The following WAPL variants were observed in gnomAD, a reference collection of about 807,000 sequenced individuals.
WAPL encodes the protein WAPL cohesin release factor.
A neutral mutation model predicts 121.0 loss-of-function variants in WAPL; 5 were observed. That is an observed-to-expected ratio of 0.04 (90% CI 0.02 to 0.09). WAPL has a LOEUF of 0.09. Among genes scored for constraint, WAPL ranks in the 10% least tolerant of loss-of-function variants. WAPL has a pLI of 1.00. For synonymous variants in WAPL, 480 were observed against 481.5 expected (o/e 1.00, Z 0.04); for missense variants, 999 against 1,410.8 (o/e 0.71, Z 4.68).
At chr10:86,506,700 G>A (rs1055189201) in intron 2 of WAPL, among the ~76,000 whole-genome samples, 2 of 152,064 alleles carry the variant, frequency 1.3e-5, no homozygotes, top group Non-Finnish European at 2.9e-5. Context: ...GGGGGTAGGA[G>A]GATCACTTAA....
chr10:86,450,527 T>G (rs1320163092), intron 15 of WAPL, among the ~76,000 whole-genome samples: 1 of 152,170 alleles, frequency 6.6e-6, no homozygotes, highest in Non-Finnish European at 1.5e-5. Flanking sequence ...TGAGCTACCT[T>G]GCCCGGCCAA....
At chr10:86,514,162 C>T (rs1842515037) in intron 2 of WAPL, among the ~76,000 whole-genome samples, 3 of 152,140 alleles carry the variant, frequency 2.0e-5, no homozygotes, top group Non-Finnish European at 4.4e-5. Flanking sequence ...AATTGACAGA[C>T]ATAATGCAAG....
In WAPL at chr10:86,458,265, G is replaced by A. The variant is rs542935499; in HGVS notation, c.2657+724C>T. On this transcript the variant is annotated intron_variant, in intron 12 of 18. Coordinates refer to ENST00000298767, the MANE Select transcript of WAPL (RefSeq NM_015045.5). ...GAACTAGGGCAGATATCAAGAACTA[G>A]GACAGAGATATCAGGAAGAGGTTGC... Among the ~76,000 whole-genome samples the A allele has an allele frequency of 5.1e-4, 77 of 152,344 alleles. 2 individuals are homozygous for A. The highest frequency in any genetic ancestry group is 1.8e-3 in the African/African-American group (76 of 41,578).
Position 86,453,322 on chromosome 10 carries a change from G to A in WAPL, c.2847C>T (p.Thr949=), listed in dbSNP as rs561617298. 1 of 1,613,986 alleles carries A rather than the reference G, an allele frequency of 6.2e-7. No homozygotes were observed. Among genetic ancestry groups the A allele is most frequent in the Non-Finnish European group, 8.5e-7 (1 of 1,180,000 alleles). The change falls in exon 14 of 19, where the codon ACC becomes ACT. Residue 949 remains threonine, a synonymous_variant. Transcript: ENST00000298767. ...TGAGACCGTCCTGCTCTCCTGTTTT[G>A]GTGCTGCCCCACTCTGAAATAAGAA... is the stretch of plus-strand genomic sequence containing the variant. ...NLTNDNEWGS[T]KTGEQDGLIG... is the part of the protein sequence containing the mutation.
intron 9 of WAPL, among the ~76,000 whole-genome samples, chr10:86,462,461 T>A (rs896543762): frequency 6.6e-6 from 1 of 152,084 alleles, no homozygotes; most frequent in Non-Finnish European, 1.5e-5. Context: ...CACACCTGTA[T>A]GTAATCCCAG....
intron 15 of WAPL, among the ~76,000 whole-genome samples, chr10:86,450,800 A>G (rs1231799735): frequency 6.6e-6 from 1 of 152,218 alleles, no homozygotes; most frequent in African/African-American, 2.4e-5. Context: ...GTCAAAACGG[A>G]GTATTCTGAG....
chr10:86,496,933 T>C (rs1324122717), intron 4 of WAPL, among the ~76,000 whole-genome samples: 3 of 152,124 alleles, frequency 2.0e-5, no homozygotes, highest in Admixed American at 6.6e-5. Flanking sequence ...TTGTTGGATA[T>C]GATAAAAAGG....
At chr10:86,479,640 T>C (rs774207672) in intron 4 of WAPL, among the ~76,000 whole-genome samples, 2 of 152,230 alleles carry the variant, frequency 1.3e-5, no homozygotes, top group Non-Finnish European at 2.9e-5. Context: ...ATGTGCTATA[T>C]GAAGACAAAA....
At chr10:86,507,883 C>T (rs947362927) in intron 2 of WAPL, among the ~76,000 whole-genome samples, 4 of 152,134 alleles carry the variant, frequency 2.6e-5, no homozygotes, top group African/African-American at 9.7e-5. Context: ...ATTCCACAGT[C>T]TATCTTCTCA....
At chr10:86,461,841 T>A (rs1303975811) in intron 9 of WAPL, among the ~76,000 whole-genome samples, 2 of 151,736 alleles carry the variant, frequency 1.3e-5, no homozygotes, top group Non-Finnish European at 2.9e-5. Context: ...TGTTCATTAT[T>A]CTTTCCATAT....
chr10:86,467,731 C>T (rs998190753), intron 8 of WAPL, among the ~76,000 whole-genome samples: 2 of 149,686 alleles, frequency 1.3e-5, no homozygotes, highest in Non-Finnish European at 3.0e-5. Flanking sequence ...GGCTGGAGTG[C>T]AGTGGCGCAA....
intron 17 of WAPL, among the ~76,000 whole-genome samples, chr10:86,442,724 CTATT>C (rs1235510930): frequency 2.0e-5 from 3 of 152,106 alleles, no homozygotes; most frequent in Non-Finnish European, 4.4e-5. Context: ...TACTTTAAAA[CTATT>C]TAGGTAATTT....
Position 86,435,766 on chromosome 10 carries a change from T to A in WAPL, c.*1777A>T, listed in dbSNP as rs976476903. The A allele has an allele frequency of 2.0e-5, 3 of 152,508 alleles. No homozygotes were observed. Among genetic ancestry groups the A allele is most frequent in the African/African-American group, 7.2e-5 (3 of 41,466 alleles). The allele number at this position is 152,508 out of a possible 1,614,324, so 9.4% of individuals were successfully genotyped here. On this transcript the variant is annotated 3_prime_UTR_variant, in exon 19 of 19. Transcript: ENST00000298767. Reference sequence around the variant, plus strand: ...CCTGATTGTTCTCATCCAAATGTTTTATAATATTCCTTACCATCTGCCACA... The same window carrying A: ...CCTGATTGTTCTCATCCAAATGTTTAATAATATTCCTTACCATCTGCCACA...
rs771824864 is a variant in WAPL, at chr10:86,517,566, C to T, written c.499+5G>A. 1.3e-5 allele frequency: 20 copies of T among 1,588,868 alleles called. No individual in the cohort carries two copies. The highest frequency in any genetic ancestry group is 1.6e-5 in the Non-Finnish European group (19 of 1,167,352). On this transcript the variant is annotated splice_donor_5th_base_variant and intron_variant, in intron 2 of 18. Transcript: ENST00000298767. ...TGGCGGAGAATAAAGAAAATCAAAA[C>T]TTACCTGAAGTTATTAATTTATTAC...
At position 86,467,369 on chromosome 10, in the gene WAPL, C is replaced by A; in HGVS notation, c.2280G>T (p.Leu760=). ...TAATTTTGTTCATGTCTTTTTCATT[C>A]AGTAGCTTGGCTGATGAAGCATCTT... ...LEQDASSAKL[L]NEKDMNKIKE... The change falls in exon 9 of 19, where the codon CTG becomes CTT. Residue 760 remains leucine (L), a synonymous_variant. Coordinates refer to ENST00000298767, the MANE Select transcript of WAPL (RefSeq NM_015045.5). 6.8e-6 allele frequency: 11 copies of A among 1,613,992 alleles called. No individual in the cohort carries two copies. Among genetic ancestry groups the A allele is most frequent in the Non-Finnish European group, 9.3e-6 (11 of 1,179,990 alleles).
intron 2 of WAPL, among the ~76,000 whole-genome samples, chr10:86,515,808 A>G (rs1842544375): frequency 6.6e-6 from 1 of 150,970 alleles, no homozygotes; most frequent in African/African-American, 2.4e-5. Context: ...TGATTTTAAT[A>G]TACATTTATA....
intron 4 of WAPL, among the ~76,000 whole-genome samples, chr10:86,484,797 G>A (rs899144562): frequency 4.6e-5 from 7 of 152,084 alleles, no homozygotes; most frequent in African/African-American, 7.2e-5. Flanking sequence ...TATTCAGTAC[G>A]GCAACATATC....
intron 17 of WAPL, among the ~76,000 whole-genome samples, chr10:86,442,179 G>A (rs150150243): frequency 6.0e-4 from 91 of 152,240 alleles, no homozygotes; most frequent in African/African-American, 2.0e-3. Flanking sequence ...TTAGAGGTGT[G>A]CACCGCCACG....
intron 12 of WAPL, among the ~76,000 whole-genome samples, chr10:86,458,298 A>C (rs1841195082): frequency 6.6e-6 from 1 of 152,250 alleles, no homozygotes; most frequent in African/African-American, 2.4e-5. Context: ...TGCTGTAATA[A>C]GACAGAACCA....
Sources: gnomAD v4.1 joint callset for allele counts (sites outside exome capture counted in the v4.1 genomes callset) on GRCh38, gnomAD v4.1.1 for gene constraint, MANE v1.5 for transcripts, NCBI Gene and HGNC (gene_info 2026-07-23, HGNC 2026-07-21) for gene names.